The following RIMS2 variants were observed in gnomAD, a reference collection of about 807,000 sequenced individuals.
RIMS2 encodes regulating synaptic membrane exocytosis protein 2.
RIMS2 carries 59 observed loss-of-function variants against 174.4 expected under a neutral mutation model. That is an observed-to-expected ratio of 0.34 (90% CI 0.27 to 0.42). RIMS2 has a LOEUF of 0.42. Among genes scored for constraint, RIMS2 ranks in the 10% least tolerant of loss-of-function variants. The pLI is 1.00. For missense variants in RIMS2, 1,620 were observed against 1,666.3 expected, an observed-to-expected ratio of 0.97 and a Z score of 0.48; for synonymous variants, 606 against 572.5, an observed-to-expected ratio of 1.06 and a Z score of -0.84.
At chr8:103,598,304 C>G (rs943647396) in intron 1 of RIMS2, among the ~76,000 whole-genome samples, 82 of 152,244 alleles carry the variant, frequency 5.4e-4, no homozygotes, top group African/African-American at 1.9e-3. Flanking sequence ...AAAGCAATTC[C>G]TGATCATACG....
chr8:103,675,576 T>C (rs2096798470), intron 1 of RIMS2, among the ~76,000 whole-genome samples: 2 of 152,168 alleles, frequency 1.3e-5, no homozygotes, highest in Non-Finnish European at 2.9e-5. Context: ...TAAACAAGTA[T>C]TAAAAATATT....
At chr8:103,560,046 T>C (rs560003662) in intron 1 of RIMS2, among the ~76,000 whole-genome samples, 2 of 152,308 alleles carry the variant, frequency 1.3e-5, no homozygotes, top group South Asian at 2.1e-4. Context: ...GACATTATTA[T>C]TTCCAAAGCT....
At chr8:103,810,392 C>CA (rs1437766611) in intron 3 of RIMS2, among the ~76,000 whole-genome samples, 1 of 152,118 alleles carries the variant, frequency 6.6e-6, no homozygotes, top group Non-Finnish European at 1.5e-5. Flanking sequence ...CATTTACACT[C>CA]AATCAGTGGC....
chr8:103,627,775 T>A (rs777288339), intron 1 of RIMS2, among the ~76,000 whole-genome samples: 1 of 152,224 alleles, frequency 6.6e-6, no homozygotes, highest in Non-Finnish European at 1.5e-5. Context: ...AACATAATGA[T>A]TGTCAACCCA....
intron 2 of RIMS2, among the ~76,000 whole-genome samples, chr8:103,740,353 A>C (rs552669856): frequency 6.6e-6 from 1 of 152,328 alleles, no homozygotes; most frequent in Non-Finnish European, 1.5e-5. Context: ...ATGCCTGCTG[A>C]CTTCTTGGCA....
intron 19 of RIMS2, among the ~76,000 whole-genome samples, chr8:104,098,619 G>A (rs2097803187): frequency 6.6e-6 from 1 of 152,060 alleles, no homozygotes; most frequent in African/African-American, 2.4e-5. Context: ...CTCTTTTTGA[G>A]ATAGAGACTT....
chr8:103,909,159 T>C (rs1456550756), intron 4 of RIMS2, among the ~76,000 whole-genome samples: 2 of 152,180 alleles, frequency 1.3e-5, no homozygotes, highest in Non-Finnish European at 2.9e-5. Flanking sequence ...TCTCTATCCC[T>C]ACTCTGTTGT....
rs75718431 is a variant in RIMS2, at chr8:104,217,977, C to A, written c.3335-26939C>A. Among the ~76,000 whole-genome samples, 1,411 of 152,272 alleles carry A rather than the reference C, an allele frequency of 9.3e-3. 19 individuals are homozygous for A. The highest frequency in any genetic ancestry group is 0.033 in the African/African-American group (1,360 of 41,560). ...AATAAACCAAACCAAAATATATCCACAAATATTCCTATTTAGCATAAAGAC... is the reference window on the plus strand; with the variant it reads ...AATAAACCAAACCAAAATATATCCAAAAATATTCCTATTTAGCATAAAGAC... On this transcript the variant is annotated intron_variant, in intron 19 of 23. Coordinates refer to ENST00000504942, the Ensembl canonical transcript of RIMS2.
chr8:103,856,542 T>G (rs1260607597), intron 3 of RIMS2, among the ~76,000 whole-genome samples: 2 of 152,208 alleles, frequency 1.3e-5, no homozygotes, highest in African/African-American at 4.8e-5. Flanking sequence ...CTGATTAATT[T>G]GTCAAGAAAA....
At chr8:103,813,073 G>T (rs576390650) in intron 3 of RIMS2, among the ~76,000 whole-genome samples, 1 of 152,114 alleles carries the variant, frequency 6.6e-6, no homozygotes, top group African/African-American at 2.4e-5. Context: ...GATACATATT[G>T]TGTATCTTAT....
intron 16 of RIMS2, among the ~76,000 whole-genome samples, chr8:103,988,298 G>A (rs1462345692): frequency 6.6e-6 from 1 of 152,054 alleles, no homozygotes; most frequent in African/African-American, 2.4e-5. Flanking sequence ...GCAAAGGGTG[G>A]GTCAGACAGG....
At chr8:104,162,699 G>C (rs1010028390) in intron 19 of RIMS2, among the ~76,000 whole-genome samples, 1 of 152,038 alleles carries the variant, frequency 6.6e-6, no homozygotes, top group African/African-American at 2.4e-5. Context: ...CATATTTTAA[G>C]ATGTAAATAG....
At chr8:103,711,997 AT>A (rs956761218) in intron 2 of RIMS2, among the ~76,000 whole-genome samples, 24 of 146,100 alleles carry the variant, frequency 1.6e-4, no homozygotes, top group Middle Eastern at 3.5e-3. Context: ...TTAGTTTTCA[AT>A]TTTTTTTTTT....
intron 1 of RIMS2, among the ~76,000 whole-genome samples, chr8:103,540,438 T>C (rs1405188624): frequency 6.6e-6 from 1 of 152,074 alleles, no homozygotes; most frequent in Non-Finnish European, 1.5e-5. Context: ...AGAGACAACA[T>C]AGCGGCACCC....
chr8:103,626,868 A>G (rs1384553133), intron 1 of RIMS2, among the ~76,000 whole-genome samples: 1 of 152,186 alleles, frequency 6.6e-6, no homozygotes, highest in Non-Finnish European at 1.5e-5. Flanking sequence ...CAAGGATCAC[A>G]TGCTTCAAAG....
Position 104,041,424 on chromosome 8 carries a change from A to T in RIMS2, c.3334+26809A>T, listed in dbSNP as rs1040493315. On this transcript the variant is annotated intron_variant, in intron 19 of 23. Transcript: ENST00000504942. ...TAACTTGTCCTAGAAATGTTTAATC[A>T]TTTTTTTACTCATTTCATAGTTTTT... is the stretch of plus-strand genomic sequence containing the variant. 7.8e-6 allele frequency: 5 copies of T among 644,880 alleles called. No individual in the cohort carries two copies. The African/African-American group carries it at 9.1e-5, about 12-fold the overall frequency. 39.9% of individuals were successfully genotyped at this position (644,880 alleles called of 1,614,324 possible).
chr8:103,637,523 A>G (rs966590538), intron 1 of RIMS2, among the ~76,000 whole-genome samples: 1 of 152,196 alleles, frequency 6.6e-6, no homozygotes, highest in South Asian at 2.1e-4. Context: ...GTTTTATAGA[A>G]TTCACCATTG....
chr8:103,917,459 G>A (rs1405648769), intron 8 of RIMS2, among the ~76,000 whole-genome samples: 6 of 151,940 alleles, frequency 3.9e-5, no homozygotes, highest in Non-Finnish European at 2.9e-5. Flanking sequence ...TTATATTATG[G>A]TAAAACTGCA....
intron 4 of RIMS2, among the ~76,000 whole-genome samples, chr8:103,895,222 A>C (rs145303016): frequency 0.013 from 1,916 of 150,668 alleles, 21 homozygotes; most frequent in Non-Finnish European, 0.02. Context: ...CTGCTTTAAA[A>C]TCTTTGTCTG....
Sources: gnomAD v4.1 joint callset for allele counts (sites outside exome capture counted in the v4.1 genomes callset) on GRCh38, gnomAD v4.1.1 for gene constraint, MANE v1.5 for transcripts, NCBI Gene and HGNC (gene_info 2026-07-23, HGNC 2026-07-21) for gene names.